Variants in TPST1 observed in about 807,000 individuals in gnomAD.
TPST1 encodes the protein tyrosylprotein sulfotransferase 1.
Under a neutral mutation model 34.8 loss-of-function variants are expected in TPST1, and 20 were observed. That is an observed-to-expected ratio of 0.57 (90% CI 0.40 to 0.84). The LOEUF (loss-of-function observed/expected upper bound fraction) is 0.84. TPST1 is among the 40% of genes least tolerant of loss of function. The probability of loss-of-function intolerance (pLI) is 0.00; values close to 1 mark genes in which losing one functional copy is unlikely to be tolerated. For missense variants in TPST1, 353 were observed against 455.5 expected (o/e 0.78, Z 2.05); for synonymous variants, 152 against 159.4 (o/e 0.95, Z 0.35).
At position 66,275,256 on chromosome 7, in the gene TPST1, G is replaced by A. The variant is rs11768147; in HGVS notation, c.846-11255G>A. 6.4e-3 allele frequency among the ~76,000 whole-genome samples: 981 copies of A among 152,236 alleles called. 3 individuals carry two copies. The highest frequency in any genetic ancestry group is 1.0e-2 in the Non-Finnish European group (678 of 68,008). The stretch of plus-strand genomic sequence containing the variant: ...TGTTGGCAAAGATGTGGAGAAAAGG[G>A]AGACCTATACACTGTTGGTGAGACT... On this transcript the variant is annotated intron_variant, in intron 2 of 5. Coordinates refer to ENST00000304842, the MANE Select transcript of TPST1 (RefSeq NM_003596.4).
At chr7:66,207,709 G>A (rs1326896455) in intron 1 of TPST1, among the ~76,000 whole-genome samples, 3 of 152,052 alleles carry the variant, frequency 2.0e-5, no homozygotes, top group Non-Finnish European at 4.4e-5. Context: ...TTTAGTCCCC[G>A]TTTCTCTTGA....
At chr7:66,274,186 G>A (rs1008132876) in intron 2 of TPST1, among the ~76,000 whole-genome samples, 19 of 151,762 alleles carry the variant, frequency 1.3e-4, no homozygotes, top group African/African-American at 4.3e-4. Flanking sequence ...GGCTAACACG[G>A]TGAAACCCCA....
intron 2 of TPST1, among the ~76,000 whole-genome samples, chr7:66,268,993 C>A (rs927350345): frequency 2.6e-5 from 4 of 152,140 alleles, no homozygotes; most frequent in Non-Finnish European, 4.4e-5. Flanking sequence ...CTATAAAAGA[C>A]ATTTTTAAAA....
chr7:66,360,032 C>A lies in TPST1; in HGVS notation c.*167C>A. The A allele has an allele frequency of 2.2e-6, 1 of 452,246 alleles. No homozygotes were observed. Among genetic ancestry groups the A allele is most frequent in the Non-Finnish European group, 4.5e-6 (1 of 223,910 alleles). 28.0% of individuals were successfully genotyped at this position (452,246 alleles called of 1,614,324 possible). Reference sequence around the variant, plus strand: ...CTCCCACTGAGAGGATGGAGGTGTCCGCACAGCTTTGGGCCTCGTGAGGGA... The same window carrying A: ...CTCCCACTGAGAGGATGGAGGTGTCAGCACAGCTTTGGGCCTCGTGAGGGA... On this transcript the variant is annotated 3_prime_UTR_variant, in exon 6 of 6. Transcript: ENST00000304842.
At chr7:66,339,099 A>G (rs1488093392) in intron 3 of TPST1, among the ~76,000 whole-genome samples, 1 of 141,228 alleles carries the variant, frequency 7.1e-6, no homozygotes, top group Non-Finnish European at 1.5e-5. Flanking sequence ...TCAGAAGACT[A>G]AGTGTTGGGG....
chr7:66,298,715 G>T (rs527489312), intron 3 of TPST1, among the ~76,000 whole-genome samples: 94 of 151,656 alleles, frequency 6.2e-4, no homozygotes, highest in African/African-American at 2.3e-3. Flanking sequence ...AATCTTTTTT[G>T]GTATTCCATT....
At chr7:66,261,691 A>G (rs554432185) in intron 2 of TPST1, among the ~76,000 whole-genome samples, 13 of 152,254 alleles carry the variant, frequency 8.5e-5, no homozygotes, top group African/African-American at 2.9e-4. Flanking sequence ...ATATGTTGTC[A>G]TATTGGGTTC....
chr7:66,226,550 A>C (rs1322164599), intron 1 of TPST1, among the ~76,000 whole-genome samples: 3 of 152,222 alleles, frequency 2.0e-5, no homozygotes, highest in Non-Finnish European at 2.9e-5. Flanking sequence ...TGGAGAAGCC[A>C]AAATCCCTTT....
rs781648711 is a variant in TPST1, at chr7:66,220,375, A to T, written c.-102+14853A>T. ...TTGGCAATCTAAAATTCATTAATTC[A>T]TTCAAAAGGCTCTAGTTTCAAGGAG... is the stretch of plus-strand genomic sequence containing the variant. On this transcript the variant is annotated intron_variant, in intron 1 of 5. Coordinates refer to ENST00000304842, the MANE Select transcript of TPST1 (RefSeq NM_003596.4). Among the ~76,000 whole-genome samples, 179 of 152,196 alleles carry T rather than the reference A, an allele frequency of 1.2e-3. 4 individuals are homozygous for T. Among genetic ancestry groups the T allele is most frequent in the Non-Finnish European group, 3.4e-4 (23 of 68,038 alleles).
intron 3 of TPST1, among the ~76,000 whole-genome samples, chr7:66,287,182 A>G (rs1380609489): frequency 3.2e-5 from 4 of 126,198 alleles, no homozygotes; most frequent in South Asian, 5.3e-4. Flanking sequence ...AAGGATATGA[A>G]CTCATCATTT....
intron 4 of TPST1, 102 bp from the exon 5 acceptor site, chr7:66,356,723 G>T (rs1792589503): frequency 7.3e-7 from 1 of 1,370,004 alleles, no homozygotes; most frequent in South Asian, 1.2e-5. Flanking sequence ...ATCTGAAAGT[G>T]AACAGAGCCT....
At chr7:66,318,925 G>T (rs1307030125) in intron 3 of TPST1, among the ~76,000 whole-genome samples, 1 of 152,084 alleles carries the variant, frequency 6.6e-6, no homozygotes, top group Non-Finnish European at 1.5e-5. Context: ...CATTTTCTGG[G>T]CCCTAGTTTT....
chr7:66,278,724 AG>A (rs1790871313), intron 2 of TPST1, among the ~76,000 whole-genome samples: 1 of 151,842 alleles, frequency 6.6e-6, no homozygotes, highest in African/African-American at 2.4e-5. Context: ...CGGAGCTTGC[AG>A]GGAGCCGAGA....
intron 3 of TPST1, among the ~76,000 whole-genome samples, chr7:66,346,423 G>T (rs529281490): frequency 6.6e-6 from 1 of 152,178 alleles, no homozygotes; most frequent in East Asian, 1.9e-4. Context: ...CATGGTGGTT[G>T]TACTAATTTA....
At chr7:66,271,024 CATAATAA>C (rs1354465166) in intron 2 of TPST1, among the ~76,000 whole-genome samples, 2 of 152,166 alleles carry the variant, frequency 1.3e-5, no homozygotes, top group African/African-American at 4.8e-5. Context: ...ATACAAAAAG[CATAATAA>C]ATACTTGATT....
At chr7:66,213,159 T>A (rs1480859069) in intron 1 of TPST1, among the ~76,000 whole-genome samples, 1 of 152,186 alleles carries the variant, frequency 6.6e-6, no homozygotes, top group South Asian at 2.1e-4. Context: ...CCACTCTCTG[T>A]CTCCTTTCAT....
chr7:66,339,053 G>GT (rs1022861875), intron 3 of TPST1, among the ~76,000 whole-genome samples: 5 of 131,048 alleles, frequency 3.8e-5, no homozygotes, highest in Admixed American at 8.2e-5. Flanking sequence ...AAATGAAAAT[G>GT]TTTTTTTGAA....
At chr7:66,319,010 C>A (rs1791694507) in intron 3 of TPST1, among the ~76,000 whole-genome samples, 1 of 152,106 alleles carries the variant, frequency 6.6e-6, no homozygotes, top group South Asian at 2.1e-4. Context: ...TTAAGGTCTT[C>A]TTTATATAAC....
chr7:66,312,035 G>A (rs1791542079), intron 3 of TPST1, among the ~76,000 whole-genome samples: 1 of 152,180 alleles, frequency 6.6e-6, no homozygotes, highest in South Asian at 2.1e-4. Context: ...TCCTATACTT[G>A]TACTTACCAG....
Sources: gnomAD v4.1 joint callset for allele counts (sites outside exome capture counted in the v4.1 genomes callset) on GRCh38, gnomAD v4.1.1 for gene constraint, MANE v1.5 for transcripts, NCBI Gene and HGNC (gene_info 2026-07-23, HGNC 2026-07-21) for gene names.